The following SYNE2 variants were observed in gnomAD, a reference collection of about 807,000 sequenced individuals.
SYNE2 encodes the protein spectrin repeat containing nuclear envelope protein 2.
Under a neutral mutation model 856.3 loss-of-function variants are expected in SYNE2, and 431 were observed. The observed-to-expected ratio is 0.50, with a 90% CI of 0.47 to 0.55. The LOEUF is 0.55. Ranked by LOEUF, SYNE2 falls within the 20% of genes least tolerant of loss-of-function variation. The probability of loss-of-function intolerance (pLI) is 0.00; values close to 1 mark genes in which losing one functional copy is unlikely to be tolerated. For missense variants in SYNE2, 8,129 were observed against 8,023.2 expected, an observed-to-expected ratio of 1.01 and a Z score of -0.50; for synonymous variants, 2,923 against 2,872.3, an observed-to-expected ratio of 1.02 and a Z score of -0.56.
At chr14:63,998,808 C>T (rs1234495032) in intron 26 of SYNE2, 106 bp from the exon 27 acceptor site, 2 of 1,294,992 alleles carry the variant, frequency 1.5e-6, no homozygotes, top group Non-Finnish European at 2.2e-6. Context: ...GGCAATCCAC[C>T]CGCCTTGGCC....
chr14:64,177,177 T>C (rs930747117), intron 95 of SYNE2, among the ~76,000 whole-genome samples, 181 bp from the exon 96 acceptor site: 1 of 152,182 alleles, frequency 6.6e-6, no homozygotes, highest in Admixed American at 6.5e-5. Flanking sequence ...GGTCGAGTCA[T>C]ATTGGTGTTC....
At chr14:63,933,367 A>T (rs2095790171) in intron 2 of SYNE2, among the ~76,000 whole-genome samples, 1 of 152,200 alleles carries the variant, frequency 6.6e-6, no homozygotes, top group Non-Finnish European at 1.5e-5. Context: ...TGAGCTTTAA[A>T]ATGAAAATCC....
rs137982649 is a variant in SYNE2 at position 64,143,148 on chromosome 14, G to A, written c.15307-624G>A. 1.4e-3 allele frequency among the ~76,000 whole-genome samples: 208 copies of A among 152,308 alleles called. 1 individual carries two copies. The highest frequency in any genetic ancestry group is 2.4e-3 in the Non-Finnish European group (163 of 68,036). ...TCTAGCAACCTAGCACATACCACATGACTGTCACCCCCGGGTGTCTCCAAA... is the reference window on the plus strand; with the variant it reads ...TCTAGCAACCTAGCACATACCACATAACTGTCACCCCCGGGTGTCTCCAAA... On this transcript the variant is annotated intron_variant, in intron 82 of 115. Coordinates refer to ENST00000555002, the MANE Select transcript of SYNE2 (RefSeq NM_182914.3).
At chr14:63,776,454 A>G (rs1887109797) in intron 1 of SYNE2, among the ~76,000 whole-genome samples, 1 of 152,166 alleles carries the variant, frequency 6.6e-6, no homozygotes. Context: ...AAAAATAGTA[A>G]GAGAGTTTTG....
chr14:63,961,537 T>C lies in SYNE2; in HGVS notation c.800T>C (p.Val267Ala). 1 of 1,613,762 alleles carries C rather than the reference T, an allele frequency of 6.2e-7. No homozygotes were observed. The highest frequency in any genetic ancestry group is 1.1e-5 in the South Asian group (1 of 91,008). ...GTGTATCTTGCAGATGTGGATGTTGTTGATCCTGATGAAAAGTCCATCATG... is the reference window on the plus strand; with the variant it reads ...GTGTATCTTGCAGATGTGGATGTTGCTGATCCTGATGAAAAGTCCATCATG... ...RLLEPEDVDV[V>A]DPDEKSIMTY... Residue 267 changes from valine to alanine, a missense_variant, in exon 9 of 116, where the codon GTT becomes GCT. By Grantham distance (64) the Val-to-Ala change is moderately conservative (BLOSUM62 0). Transcript: ENST00000555002.
At chr14:64,203,033 C>T (rs1407849870) in intron 100 of SYNE2, 70 bp downstream of exon 100, 9 of 1,579,072 alleles carry the variant, frequency 5.7e-6, no homozygotes, top group East Asian at 4.5e-5. Context: ...AGGCCTTCCC[C>T]GTATATCTAT....
rs1160179313 is a variant in SYNE2 at position 63,890,470 on chromosome 14, T to C, written c.-51-18628T>C. ...GGAAGTTTGTTGTAATGTTTTTAGG[T>C]TTTATTTCTGGCTTTAGGGAAATGG... is the stretch of plus-strand genomic sequence containing the variant. On this transcript the variant is annotated intron_variant, in intron 1 of 115. Coordinates refer to ENST00000555002, the MANE Select transcript of SYNE2 (RefSeq NM_182914.3). 2.0e-5 allele frequency among the ~76,000 whole-genome samples: 3 copies of C among 152,260 alleles called. No individual in the cohort carries two copies. The East Asian group carries it at 5.8e-4, about 29-fold the overall frequency.
At chr14:64,161,921 TA>T in intron 87 of SYNE2, 150 bp from the exon 88 acceptor site, 1 of 792,306 alleles carries the variant, frequency 1.3e-6, no homozygotes, top group Non-Finnish European at 2.1e-6. Flanking sequence ...ATGGTTTCTA[TA>T]ATGGTGATGC....
At chr14:63,877,302 C>G (rs567316202) in intron 1 of SYNE2, among the ~76,000 whole-genome samples, 1 of 152,052 alleles carries the variant, frequency 6.6e-6, no homozygotes, top group African/African-American at 2.4e-5. Flanking sequence ...GAACTTTGGT[C>G]AAAATAGGAA....
chr14:63,926,942 T>C (rs1315165243), intron 2 of SYNE2, among the ~76,000 whole-genome samples: 7 of 152,154 alleles, frequency 4.6e-5, no homozygotes, highest in Admixed American at 4.6e-4. Context: ...AGAAGTTAAC[T>C]GGTGAAGTGA....
At chr14:64,181,011 G>GT (rs2098455441) in intron 96 of SYNE2, among the ~76,000 whole-genome samples, 1 of 151,716 alleles carries the variant, frequency 6.6e-6, no homozygotes, top group Non-Finnish European at 1.5e-5. Flanking sequence ...CCAATAATTC[G>GT]TTTATGTATT....
intron 64 of SYNE2, among the ~76,000 whole-genome samples, chr14:64,102,899 C>T (rs941449228): frequency 3.9e-5 from 6 of 152,054 alleles, no homozygotes; most frequent in Non-Finnish European, 5.9e-5. Flanking sequence ...TGAGATCATA[C>T]AGTATTTATC....
rs769955353 is a variant in SYNE2, at chr14:64,144,023, G to T, written c.15483+75G>T. 276 of 1,541,298 alleles carry T rather than the reference G, an allele frequency of 1.8e-4. 1 individual carries two copies. Among genetic ancestry groups the T allele is most frequent in the Non-Finnish European group, 2.3e-4 (258 of 1,114,170 alleles). On this transcript the variant is annotated intron_variant, in intron 83 of 115. Transcript: ENST00000555002. ...CACTTTCTGAAAAATCAAAAAAGAC[G>T]TTCAATTAGTTGACTGATTATTAAG...
chr14:63,906,925 A>C (rs2095415804), intron 1 of SYNE2, among the ~76,000 whole-genome samples: 1 of 152,212 alleles, frequency 6.6e-6, no homozygotes, highest in Non-Finnish European at 1.5e-5. Context: ...GTCTATCCTC[A>C]CATGGTAGAA....
At chr14:63,908,233 G>T (rs571468932) in intron 1 of SYNE2, among the ~76,000 whole-genome samples, 4 of 152,012 alleles carry the variant, frequency 2.6e-5, no homozygotes, top group African/African-American at 9.7e-5. Context: ...ATACCTATAG[G>T]GTCAACACAT....
intron 1 of SYNE2, among the ~76,000 whole-genome samples, chr14:63,897,902 C>G (rs915350150): frequency 3.9e-5 from 6 of 152,198 alleles, no homozygotes; most frequent in Non-Finnish European, 5.9e-5. Flanking sequence ...TCTCAGCATT[C>G]CTACCCAGAG....
Position 64,119,473 on chromosome 14 carries a change from C to G in SYNE2, c.12887C>G (p.Thr4296Ser). Reference protein sequence around the residue: ...IEHKVAFLLETCKDQGLGDNG... With the variant: ...IEHKVAFLLESCKDQGLGDNG... ...CACAAGGTTGCCTTTCTGTTAGAGA[C>G]TTGCAAAGATCAGGGCCTGGGAGAT... The change falls in exon 67 of 116, where the codon ACT becomes AGT. Residue 4296 changes from threonine to serine, a missense_variant. Physicochemically the swap from Thr to Ser is moderately conservative, Grantham distance 58. Transcript: ENST00000555002. 6.2e-7 allele frequency: 1 copy of G among 1,614,192 alleles called. No homozygotes were observed. The highest frequency in any genetic ancestry group is 8.5e-7 in the Non-Finnish European group (1 of 1,180,032).
chr14:63,897,081 G>T (rs1179628234), intron 1 of SYNE2, among the ~76,000 whole-genome samples: 1 of 152,078 alleles, frequency 6.6e-6, no homozygotes. Flanking sequence ...GTGAAACCTT[G>T]TCTCTACCAA....
chr14:64,015,331 C>CT (rs1567057221), intron 32 of SYNE2, among the ~76,000 whole-genome samples: 1 of 151,684 alleles, frequency 6.6e-6, no homozygotes, highest in Non-Finnish European at 1.5e-5. Context: ...CTGTAGATTT[C>CT]TTTTTGGGGA....
Sources: gnomAD v4.1 joint callset for allele counts (sites outside exome capture counted in the v4.1 genomes callset) on GRCh38, gnomAD v4.1.1 for gene constraint, MANE v1.5 for transcripts, NCBI Gene and HGNC (gene_info 2026-07-23, HGNC 2026-07-21) for gene names.